CALN1: variants seen among roughly 807,000 people sequenced by gnomAD.
CALN1 encodes calcium-binding protein 8.
A neutral mutation model predicts 30.6 loss-of-function variants in CALN1; 17 were observed. That is an observed-to-expected ratio of 0.56 (90% CI 0.38 to 0.83). The LOEUF is 0.83. CALN1 is among the 40% of genes least tolerant of loss of function. The pLI, the probability that CALN1 is intolerant of heterozygous loss-of-function variation, is 0.00. For synonymous variants in CALN1, 156 were observed against 131.4 expected, an observed-to-expected ratio of 1.19 and a Z score of -1.28; for missense variants, 291 against 354.9, an observed-to-expected ratio of 0.82 and a Z score of 1.45.
intron 4 of CALN1, among the ~76,000 whole-genome samples, chr7:72,058,716 C>G (rs16869603): frequency 0.067 from 10,179 of 152,180 alleles, 1,131 homozygotes; most frequent in African/African-American, 0.23. Context: ...AAGCTCTGAA[C>G]TGAAATAGTG....
At chr7:71,973,172 GT>G (rs911518247) in intron 5 of CALN1, among the ~76,000 whole-genome samples, 13 of 148,482 alleles carry the variant, frequency 8.8e-5, no homozygotes, top group South Asian at 8.7e-4. Context: ...TCTGTTTTGG[GT>G]TTTTTTTTTC....
At chr7:71,887,812 AAGG>A (rs1276465331) in intron 5 of CALN1, among the ~76,000 whole-genome samples, 1 of 152,000 alleles carries the variant, frequency 6.6e-6, no homozygotes. Flanking sequence ...GGAGGGTGAG[AAGG>A]AGGAGAGCAG....
At chr7:71,867,379 T>C (rs984920139) in intron 5 of CALN1, among the ~76,000 whole-genome samples, 8 of 152,208 alleles carry the variant, frequency 5.3e-5, no homozygotes, top group African/African-American at 1.7e-4. Context: ...ACATGTAGGT[T>C]TGAATGCATT....
chr7:71,983,907 AATAAAT>A (rs1304584672), intron 5 of CALN1, among the ~76,000 whole-genome samples: 7 of 152,212 alleles, frequency 4.6e-5, no homozygotes, highest in African/African-American at 1.4e-4. Flanking sequence ...AAATGCTGAA[AATAAAT>A]ATAATCAAAC....
chr7:71,842,898 T>A (rs1244720372), intron 5 of CALN1, among the ~76,000 whole-genome samples: 1 of 152,230 alleles, frequency 6.6e-6, no homozygotes, highest in African/African-American at 2.4e-5. Context: ...TTGCATTTTA[T>A]CCTAACAATA....
intron 5 of CALN1, among the ~76,000 whole-genome samples, chr7:71,859,560 A>C (rs958172776): frequency 1.3e-5 from 2 of 151,968 alleles, no homozygotes; most frequent in African/African-American, 2.4e-5. Context: ...GTAAGTGTGG[A>C]CTCCTGTATC....
intron 3 of CALN1, among the ~76,000 whole-genome samples, chr7:72,175,755 A>G (rs1789304768): frequency 2.0e-5 from 3 of 152,012 alleles, no homozygotes; most frequent in African/African-American, 7.3e-5. Flanking sequence ...AACCTCATGC[A>G]TTTCAAGGAA....
At chr7:72,268,593 C>T (rs1012375293) in intron 3 of CALN1, among the ~76,000 whole-genome samples, 1 of 152,060 alleles carries the variant, frequency 6.6e-6, no homozygotes, top group Non-Finnish European at 1.5e-5. Flanking sequence ...ATCCCTTGAG[C>T]CCAGGCGTTC....
At chr7:71,978,718 C>T (rs952943057) in intron 5 of CALN1, among the ~76,000 whole-genome samples, 10 of 152,164 alleles carry the variant, frequency 6.6e-5, no homozygotes, top group African/African-American at 2.4e-4. Flanking sequence ...CCAAACTTCC[C>T]TGAATTGACT....
Position 71,957,133 on chromosome 7 carries a change from C to T in CALN1, c.501+66524G>A, listed in dbSNP as rs181038462. ...TTAATCATCTTGTTTCTATCGCAGC[C>T]GAAGACATGGTCTGGATGCTGAAGT... On this transcript the variant is annotated intron_variant, in intron 5 of 6. Coordinates refer to ENST00000395275, the MANE Select transcript of CALN1 (RefSeq NM_031468.4). Among the ~76,000 whole-genome samples, 18 of 151,810 alleles carry T rather than the reference C, an allele frequency of 1.2e-4. No individual in the cohort carries two copies. In the East Asian group the frequency reaches 1.9e-3, roughly 16 times the overall value.
Position 72,107,018 on chromosome 7 carries a change from G to C in CALN1, c.245-724C>G, listed in dbSNP as rs575112639. Among the ~76,000 whole-genome samples the C allele has an allele frequency of 8.7e-5, 13 of 149,700 alleles. No individual in the cohort carries two copies. In the East Asian group the frequency reaches 2.0e-3, roughly 24 times the overall value. On this transcript the variant is annotated intron_variant, in intron 3 of 6. Transcript: ENST00000395275. ...AGAAAGAAAAATAGAAAGAAAGAAA[G>C]AGAAAAAAAGAAAAAGAAAGAAAGA...
chr7:72,481,690 C>T, the CALN1 span, among the ~76,000 whole-genome samples: 77 of 152,254 alleles, frequency 5.1e-4, no homozygotes, highest in African/African-American at 1.8e-3. Flanking sequence ...GTGCTAATTT[C>T]ACTTTTGATT....
Position 71,842,716 on chromosome 7 carries a change from A to G in CALN1, c.502-32224T>C, listed in dbSNP as rs1298109029. On this transcript the variant is annotated intron_variant, in intron 5 of 6. Coordinates refer to ENST00000395275, the MANE Select transcript of CALN1 (RefSeq NM_031468.4). ...CTTAGTGAGGCAAAAATAAATAATA[A>G]GGCCTCTTCAAGCTTGCCTGGCTTT... Among the ~76,000 whole-genome samples, 2 of 152,162 alleles carry G rather than the reference A, an allele frequency of 1.3e-5. 1 individual carries two copies. The highest frequency in any genetic ancestry group is 2.9e-5 in the Non-Finnish European group (2 of 68,036).
At chr7:71,923,249 A>G (rs1795075809) in intron 5 of CALN1, among the ~76,000 whole-genome samples, 2 of 152,304 alleles carry the variant, frequency 1.3e-5, no homozygotes, top group South Asian at 2.1e-4. Flanking sequence ...GAAAAAGCCT[A>G]CAGCCAACCT....
At chr7:72,446,578 T>C (rs1244780604) in intron 1 of CALN1, among the ~76,000 whole-genome samples, 1 of 152,144 alleles carries the variant, frequency 6.6e-6, no homozygotes, top group Non-Finnish European at 1.5e-5. Context: ...CAGGGAAAGT[T>C]GTATGGAATG....
At chr7:72,498,158 T>G in the CALN1 span, among the ~76,000 whole-genome samples, 1 of 151,988 alleles carries the variant, frequency 6.6e-6, no homozygotes, top group South Asian at 2.1e-4. Flanking sequence ...ATAAAAAAGG[T>G]GAAAGCCTCA....
chr7:72,387,206 GAGGGAAGGAAGGA>G (rs1805261843), intron 2 of CALN1, among the ~76,000 whole-genome samples: 1 of 119,250 alleles, frequency 8.4e-6, no homozygotes, highest in Non-Finnish European at 1.7e-5. Flanking sequence ...GGGAGGGAGG[GAGGGAAGGAAGGA>G]AGGGAAGGAA....
chr7:72,061,363 C>T (rs1803634564), intron 4 of CALN1, among the ~76,000 whole-genome samples: 1 of 152,144 alleles, frequency 6.6e-6, no homozygotes, highest in Non-Finnish European at 1.5e-5. Context: ...ACACTGTGTT[C>T]TTATTTATAT....
chr7:72,271,575 A>AAAAAAAAAAAAAAATATATATATATATAT lies in CALN1; in HGVS notation c.244+7110_244+7111insATATATATATATATATTTTTTTTTTTTTT. ...CTGTGCCTGCCTTTTAAAAAAAAAA[A>AAAAAAAAAAAAAAATATATATATATATAT]ATATATATATATATATATAGTTTTC... On this transcript the variant is annotated intron_variant, in intron 3 of 6. Coordinates refer to ENST00000395275, the MANE Select transcript of CALN1 (RefSeq NM_031468.4). 1.4e-3 allele frequency among the ~76,000 whole-genome samples: 72 copies of AAAAAAAAAAAAAAATATATATATATATAT among 52,064 alleles called. 2 individuals are homozygous for AAAAAAAAAAAAAAATATATATATATATAT. The highest frequency in any genetic ancestry group is 0.013 in the East Asian group (13 of 1,008). 34.2% of individuals were successfully genotyped at this position (52,064 alleles called of 152,430 possible). A position where few individuals can be genotyped will look rare whatever the true frequency, so the allele number is the denominator to read the frequency against.
Sources: allele counts gnomAD v4.1 joint callset (sites outside exome capture counted in the v4.1 genomes callset), GRCh38; gene constraint gnomAD v4.1.1; transcripts MANE v1.5; gene names NCBI Gene and HGNC (gene_info 2026-07-23, HGNC 2026-07-21).